Variants in RBFOX2 observed in about 807,000 individuals in gnomAD.
The protein encoded by RBFOX2 is RNA binding fox-1 homolog 2.
RBFOX2 carries 10 observed loss-of-function variants against 49.1 expected under a neutral mutation model. The observed-to-expected ratio is 0.20, with a 90% CI of 0.13 to 0.35. The LOEUF is 0.35. RBFOX2 is among the 10% of genes least tolerant of loss of function. The probability of loss-of-function intolerance (pLI) is 1.00; values close to 1 mark genes in which losing one functional copy is unlikely to be tolerated. For missense variants in RBFOX2, 323 were observed against 486.9 expected, an observed-to-expected ratio of 0.66 and a Z score of 3.17; for synonymous variants, 183 against 187.4, an observed-to-expected ratio of 0.98 and a Z score of 0.19.
At chr22:35,812,337 T>G (rs1952061307) in intron 1 of RBFOX2, among the ~76,000 whole-genome samples, 1 of 152,128 alleles carries the variant, frequency 6.6e-6, no homozygotes, top group African/African-American at 2.4e-5. Context: ...TTAAATTTTT[T>G]TGGAAAAAGT....
At chr22:35,955,505 T>C (rs80333748) in intron 1 of RBFOX2, among the ~76,000 whole-genome samples, 4,088 of 140,432 alleles carry the variant, frequency 0.029, 62 homozygotes, top group Middle Eastern at 0.097. Context: ...CCAATCTTTT[T>C]GGCACAGGGA....
upstream of RBFOX2, among the ~76,000 whole-genome samples, chr22:35,963,287 C>T (rs1012144313): frequency 1.3e-5 from 2 of 151,936 alleles, no homozygotes. Context: ...CATTGCAGTG[C>T]GGGGTGGGGG....
At chr22:35,776,577 G>A (rs1943960599) in intron 4 of RBFOX2, among the ~76,000 whole-genome samples, 1 of 152,152 alleles carries the variant, frequency 6.6e-6, no homozygotes, top group African/African-American at 2.4e-5. Flanking sequence ...CCAAAGTATG[G>A]TGAATTTGGA....
chr22:35,755,108 T>C (rs1569247585), intron 9 of RBFOX2, among the ~76,000 whole-genome samples: 1 of 152,196 alleles, frequency 6.6e-6, no homozygotes, highest in African/African-American at 2.4e-5. Context: ...GGACCTCTTA[T>C]TGATTTTGGA....
At position 35,925,679 on chromosome 22, in the gene RBFOX2, T is replaced by C. The variant is rs986646123; in HGVS notation, c.-34+13168A>G. 3.3e-5 allele frequency among the ~76,000 whole-genome samples: 5 copies of C among 152,170 alleles called. No individual in the cohort carries two copies. The East Asian group carries it at 9.6e-4, about 29-fold the overall frequency. On this transcript the variant is annotated intron_variant, in intron 1 of 13. Coordinates refer to the RBFOX2 transcript ENST00000359369. ...CATGGGACATGGGAAATAGTGTAAGTAAAGGAATTAGAATTCAAACCCACA... is the reference window on the plus strand; with the variant it reads ...CATGGGACATGGGAAATAGTGTAAGCAAAGGAATTAGAATTCAAACCCACA...
intron 1 of RBFOX2, among the ~76,000 whole-genome samples, chr22:35,893,194 A>G (rs978404985): frequency 6.6e-6 from 1 of 152,250 alleles, no homozygotes; most frequent in Non-Finnish European, 1.5e-5. Flanking sequence ...CAAAGTGACC[A>G]GGGGACTCCC....
At chr22:36,018,209 A>T (rs902571936) in intron 1 of RBFOX2, among the ~76,000 whole-genome samples, 1 of 152,226 alleles carries the variant, frequency 6.6e-6, no homozygotes. Flanking sequence ...TGGGGCAGAC[A>T]TTCAATCAAG....
intron 1 of RBFOX2, among the ~76,000 whole-genome samples, chr22:35,913,671 T>C (rs776924282): frequency 6.6e-6 from 1 of 151,888 alleles, no homozygotes; most frequent in Non-Finnish European, 1.5e-5. Flanking sequence ...ATAGATATCA[T>C]AGAAATTCCA....
intron 1 of RBFOX2, among the ~76,000 whole-genome samples, chr22:36,012,977 G>A (rs2058881727): frequency 6.6e-6 from 1 of 152,020 alleles, no homozygotes; most frequent in African/African-American, 2.4e-5. Flanking sequence ...TGTTGGCCAG[G>A]CTGATCTCAA....
intron 1 of RBFOX2, among the ~76,000 whole-genome samples, chr22:36,020,661 G>A (rs2059209571): frequency 6.6e-6 from 1 of 152,136 alleles, no homozygotes; most frequent in Admixed American, 6.5e-5. Flanking sequence ...ATCATCACTG[G>A]TCATCAGAGA....
At chr22:36,001,156 T>G (rs1174867212) in intron 1 of RBFOX2, among the ~76,000 whole-genome samples, 1 of 145,704 alleles carries the variant, frequency 6.9e-6, no homozygotes, top group East Asian at 2.0e-4. Context: ...TTAATTACAT[T>G]CAAATGTTTT....
chr22:35,741,181 A>T (rs1460498748), exon 12 of RBFOX2: 2 of 152,276 alleles, frequency 1.3e-5, no homozygotes, highest in African/African-American at 4.8e-5. Flanking sequence ...GCCTATGGGC[A>T]GCTCTCTGGG....
intron 2 of RBFOX2, among the ~76,000 whole-genome samples, chr22:35,805,015 C>T (rs570566798): frequency 2.3e-3 from 353 of 152,056 alleles, no homozygotes; most frequent in Non-Finnish European, 3.7e-3. Context: ...AGGCTGGGCG[C>T]GGTGGCTCAC....
chr22:35,955,744 G>A (rs949050588), intron 1 of RBFOX2, among the ~76,000 whole-genome samples: 18 of 152,092 alleles, frequency 1.2e-4, no homozygotes, highest in African/African-American at 3.4e-4. Context: ...ACCTCCTGCC[G>A]TGTGGCCTGG....
intron 1 of RBFOX2, among the ~76,000 whole-genome samples, chr22:35,978,747 A>C (rs1339226865): frequency 1.3e-5 from 2 of 152,264 alleles, no homozygotes; most frequent in African/African-American, 2.4e-5. Context: ...ATAGTAATCC[A>C]TGAGTCCATT....
At chr22:35,831,825 T>G (rs930350001) in intron 1 of RBFOX2, among the ~76,000 whole-genome samples, 1 of 152,164 alleles carries the variant, frequency 6.6e-6, no homozygotes, top group Admixed American at 6.5e-5. Flanking sequence ...TTTGTGGACA[T>G]AAAAGCATTC....
chr22:36,028,168 A>C, intron 1 of RBFOX2, 72 bp downstream of exon 1: 2 of 1,361,684 alleles, frequency 1.5e-6, no homozygotes, highest in Non-Finnish European at 1.9e-6. Context: ...CCCTCTCTCC[A>C]AGCCGGGGAG....
chr22:35,800,949 A>C (rs1242164764), intron 2 of RBFOX2, among the ~76,000 whole-genome samples: 3 of 152,230 alleles, frequency 2.0e-5, no homozygotes, highest in Non-Finnish European at 4.4e-5. Context: ...GCTTTTCAGC[A>C]GAGATAAGAC....
intron 1 of RBFOX2, among the ~76,000 whole-genome samples, chr22:36,014,527 G>C (rs960112479): frequency 1.3e-5 from 2 of 152,096 alleles, no homozygotes; most frequent in African/African-American, 4.8e-5. Context: ...GTTTCTTTAA[G>C]CTCGGGGATA....
Sources: allele counts gnomAD v4.1 joint callset (sites outside exome capture counted in the v4.1 genomes callset), GRCh38; gene constraint gnomAD v4.1.1; transcripts MANE v1.5; gene names NCBI Gene and HGNC (gene_info 2026-07-23, HGNC 2026-07-21).